Variants in NF1 observed in about 807,000 individuals in gnomAD.
The protein encoded by NF1 is neurofibromin.
Under a neutral mutation model 325.7 loss-of-function variants are expected in NF1, and 122 were observed. The ratio of observed to expected loss-of-function variants is 0.37; its 90% confidence interval spans 0.32 to 0.44. The LOEUF is 0.44. NF1 is among the 20% of genes least tolerant of loss of function. NF1 has a pLI of 1.00. For synonymous variants in NF1, 1,091 were observed against 1,186.0 expected (o/e 0.92, Z 1.65); for missense variants, 2,140 against 3,415.4 (o/e 0.63, Z 9.31).
intron 29 of NF1, among the ~76,000 whole-genome samples, chr17:31,242,995 CA>C (rs2067326525): frequency 6.6e-6 from 1 of 152,192 alleles, no homozygotes; most frequent in Non-Finnish European, 1.5e-5. Flanking sequence ...TTGGTCACTG[CA>C]GCTATATCTG....
In NF1 at chr17:31,322,501, CAAAAAAAAAAAAAAAAAAAA is replaced by C. The variant is rs573045083; in HGVS notation, c.4836-3303_4836-3284del. On this transcript the variant is annotated intron_variant, in intron 36 of 57. Transcript: ENST00000358273. ...AGGAAGACAGAGTAAGACTCTGTCT[CAAAAAAAAAAAAAAAAAAAA>C]AAAAAAAAAAAAAAAGAACTGGATA... Among the ~76,000 whole-genome samples the C allele has an allele frequency of 6.9e-3, 307 of 44,816 alleles. 3 individuals are homozygous for C. Among genetic ancestry groups the C allele is most frequent in the African/African-American group, 0.019 (235 of 12,234 alleles). The allele number at this position is 44,816 out of a possible 152,430, so 29.4% of individuals were successfully genotyped here.
chr17:31,183,962 A>G (rs1436085762), intron 8 of NF1, among the ~76,000 whole-genome samples: 2 of 152,232 alleles, frequency 1.3e-5, no homozygotes, highest in Middle Eastern at 3.4e-3. Flanking sequence ...TTAATAGTTA[A>G]TATCCCCTTT....
chr17:31,105,310 A>G (rs1428669414), intron 1 of NF1, among the ~76,000 whole-genome samples: 3 of 152,220 alleles, frequency 2.0e-5, no homozygotes, highest in Non-Finnish European at 2.9e-5. Flanking sequence ...ATTATGTTCT[A>G]AAACTTTACA....
At chr17:31,240,927 G>A (rs1271497557) in intron 29 of NF1, among the ~76,000 whole-genome samples, 1 of 152,122 alleles carries the variant, frequency 6.6e-6, no homozygotes, top group African/African-American at 2.4e-5. Flanking sequence ...ACACAGGTTG[G>A]AGTGTAGTGG....
chr17:31,218,628 G>A (rs986954744), intron 13 of NF1, among the ~76,000 whole-genome samples: 2 of 151,494 alleles, frequency 1.3e-5, no homozygotes, highest in Non-Finnish European at 2.9e-5. Context: ...CTGGAGTGCA[G>A]CGGTGCAATC....
intron 36 of NF1, chr17:31,318,888 G>A: frequency 6.2e-7 from 1 of 1,614,020 alleles, no homozygotes; most frequent in South Asian, 1.1e-5. Flanking sequence ...CTGAATCCCA[G>A]GAAGAAGTAC....
intron 13 of NF1, 138 bp downstream of exon 13, chr17:31,214,723 C>A: frequency 1.4e-6 from 1 of 708,038 alleles, no homozygotes; most frequent in Non-Finnish European, 2.4e-6. Context: ...AAAACTAAGA[C>A]GTCTCTAAGA....
intron 1 of NF1, among the ~76,000 whole-genome samples, chr17:31,134,339 A>C (rs1477831644): frequency 6.6e-6 from 1 of 152,182 alleles, no homozygotes; most frequent in Non-Finnish European, 1.5e-5. Context: ...TTTCCATATA[A>C]TGTTTTCAAT....
At position 31,374,464 on chromosome 17, in the gene NF1, A is replaced by G. The variant is rs1042263271; in HGVS notation, c.*309A>G. 2.1e-6 allele frequency: 1 copy of G among 466,772 alleles called. No individual in the cohort carries two copies. The highest frequency in any genetic ancestry group is 1.9e-5 in the African/African-American group (1 of 51,484). The allele number at this position is 466,772 out of a possible 1,614,324, so 28.9% of individuals were successfully genotyped here. On this transcript the variant is annotated 3_prime_UTR_variant, in exon 58 of 58. Transcript: ENST00000358273. ...TGAGAAATCTCAATTGTAAGAGAGGATGAATTCTTGAATACTGCTACTACT... is the reference window on the plus strand; with the variant it reads ...TGAGAAATCTCAATTGTAAGAGAGGGTGAATTCTTGAATACTGCTACTACT...
rs2070421084 is a variant in NF1, at chr17:31,362,425, TG to T, written c.8377+1725del. On this transcript the variant is annotated intron_variant, in intron 57 of 57. Coordinates refer to ENST00000358273, the MANE Select transcript of NF1 (RefSeq NM_001042492.3). ...TGGGGAGACTGAGTTTTAGAAGAGC[TG>T]GGTTAACTGCTTTATACAGTTCTTA... The T allele has an allele frequency of 4.8e-6, 4 of 833,970 alleles. No individual in the cohort carries two copies. In the Admixed American group the frequency reaches 2.5e-4, roughly 52 times the overall value. The allele number at this position is 833,970 out of a possible 1,614,324, so 51.7% of individuals were successfully genotyped here.
chr17:31,221,036 A>G (rs1031176620), intron 14 of NF1, among the ~76,000 whole-genome samples: 9 of 152,196 alleles, frequency 5.9e-5, no homozygotes, highest in Admixed American at 5.9e-4. Context: ...TTAAATGTTG[A>G]TATGTTGACC....
chr17:31,366,238 ATTT>A (rs200123320), intron 57 of NF1, among the ~76,000 whole-genome samples: 1 of 151,432 alleles, frequency 6.6e-6, no homozygotes, highest in Admixed American at 6.6e-5. Flanking sequence ...CTGGCCTAAA[ATTT>A]TTTTTTACTA....
chr17:31,213,487 G>A (rs1031827387), intron 12 of NF1, among the ~76,000 whole-genome samples: 1 of 152,120 alleles, frequency 6.6e-6, no homozygotes, highest in Non-Finnish European at 1.5e-5. Context: ...TGTTTACCTG[G>A]ACATTTGTAT....
chr17:31,201,112 C>T lies in NF1; in HGVS notation c.1138C>T (p.Leu380Phe), dbSNP rs1426127948. Residue 380 changes from leucine (L) to phenylalanine (F), a missense_variant, in exon 10 of 58, where the codon CTT becomes TTT. By Grantham distance (22) the Leu-to-Phe change is conservative. Coordinates refer to ENST00000358273, the MANE Select transcript of NF1 (RefSeq NM_001042492.3). ...AGATGTGGATCTAATGATTGACTGC[C>T]TTGTTTCTTGCTTTCGTATAAGCCC... Reference protein sequence around the residue: ...PADVDLMIDCLVSCFRISPHN... With the variant: ...PADVDLMIDCFVSCFRISPHN... 1.9e-6 allele frequency: 3 copies of T among 1,613,934 alleles called. No individual in the cohort carries two copies. The highest frequency in any genetic ancestry group is 3.3e-5 in the Admixed American group (2 of 59,998).
chr17:31,206,694 C>T (rs2066630456), intron 12 of NF1, among the ~76,000 whole-genome samples: 1 of 150,956 alleles, frequency 6.6e-6, no homozygotes, highest in Non-Finnish European at 1.5e-5. Context: ...TTTGATTAGC[C>T]TCTCACGTTT....
chr17:31,272,194 A>G (rs1365302205), intron 36 of NF1: 1 of 152,284 alleles, frequency 6.6e-6, no homozygotes, highest in African/African-American at 2.4e-5. Context: ...TCATTCAGCA[A>G]TAATAAGAAA....
intron 52 of NF1, 121 bp from the exon 53 acceptor site, chr17:31,356,839 T>G (rs2151581724): frequency 1.4e-6 from 2 of 1,422,912 alleles, no homozygotes. Flanking sequence ...TCTATGATGT[T>G]TATGTTAGTA....
intron 39 of NF1, chr17:31,334,543 C>T: frequency 1.1e-5 from 4 of 357,668 alleles, no homozygotes; most frequent in South Asian, 5.9e-5. Flanking sequence ...CTATGATTAC[C>T]ACATTTCCTT....
chr17:31,370,079 A>G (rs928798156), intron 57 of NF1, among the ~76,000 whole-genome samples: 2 of 152,040 alleles, frequency 1.3e-5, no homozygotes, highest in African/African-American at 4.8e-5. Context: ...CTTTGCTGTG[A>G]AGTTGAACTT....
Sources: allele counts gnomAD v4.1 joint callset (sites outside exome capture counted in the v4.1 genomes callset), GRCh38; gene constraint gnomAD v4.1.1; transcripts MANE v1.5; gene names NCBI Gene and HGNC (gene_info 2026-07-23, HGNC 2026-07-21).